Variants in ERICH1 observed in about 807,000 individuals in gnomAD.
ERICH1 encodes the protein glutamate rich 1, also known as glutamate-rich protein 1.
ERICH1 carries 56 observed loss-of-function variants against 39.6 expected under a neutral mutation model. The ratio of observed to expected loss-of-function variants is 1.41; its 90% CI spans 1.14 to 1.77. The LOEUF is 1.77. Ranked by LOEUF, ERICH1 falls within the 40% of genes most tolerant of loss-of-function variation. The pLI is 0.00. For missense variants in ERICH1, 826 were observed against 575.4 expected (o/e 1.44, Z -4.45); for synonymous variants, 313 against 223.6 (o/e 1.40, Z -3.57).
intron 3 of ERICH1, among the ~76,000 whole-genome samples, chr8:687,832 G>T (rs1442230463): frequency 6.6e-6 from 1 of 152,158 alleles, no homozygotes; most frequent in African/African-American, 2.4e-5. Context: ...GGCGCGGAGA[G>T]GCCCCGGATG....
At chr8:727,691 CCTCTGGGACAGGG>C (rs1819098486) in intron 1 of ERICH1, among the ~76,000 whole-genome samples, 1 of 152,216 alleles carries the variant, frequency 6.6e-6, no homozygotes, top group Non-Finnish European at 1.5e-5. Flanking sequence ...CAGGAGGAGG[CCTCTGGGACAGGG>C]CTCTGTGGCC....
intron 2 of ERICH1, among the ~76,000 whole-genome samples, chr8:708,987 C>T (rs1703943): frequency 0.016 from 2,421 of 152,000 alleles, 68 homozygotes; most frequent in African/African-American, 0.056. Flanking sequence ...AGCCACTTTG[C>T]CCGGCCAAGT....
At chr8:674,654 A>G (rs1008864184) in intron 3 of ERICH1, among the ~76,000 whole-genome samples, 6 of 152,058 alleles carry the variant, frequency 3.9e-5, no homozygotes, top group African/African-American at 1.4e-4. Context: ...CTTTCCCTCT[A>G]TGGGGGGGAA....
chr8:707,225 T>C (rs1266148639), intron 2 of ERICH1, among the ~76,000 whole-genome samples: 1 of 140,396 alleles, frequency 7.1e-6, no homozygotes, highest in African/African-American at 2.5e-5. Flanking sequence ...TTTTTTTTTT[T>C]TAGACAGAGT....
At position 695,191 on chromosome 8, in the gene ERICH1, G is replaced by A. The variant is rs1809871261; in HGVS notation, c.170-2579C>T. Among the ~76,000 whole-genome samples the A allele has an allele frequency of 5.9e-5, 9 of 152,010 alleles. 1 individual carries two copies. Among genetic ancestry groups the A allele is most frequent in the Admixed American group, 5.9e-4 (9 of 15,274 alleles). On this transcript the variant is annotated intron_variant, in intron 2 of 5. Coordinates refer to ENST00000262109, the MANE Select transcript of ERICH1 (RefSeq NM_207332.3). The stretch of plus-strand genomic sequence containing the variant: ...GCCGACAGCTATGGAGGGGCTCACA[G>A]CCAGCCCCTGGCCCACTTCAGGTGA...
At chr8:668,971 T>C (rs996754712) in intron 4 of ERICH1, 179 bp from the exon 5 acceptor site, 6 of 615,666 alleles carry the variant, frequency 9.7e-6, no homozygotes, top group East Asian at 2.9e-5. Context: ...AAAATACCAC[T>C]GCATGAACGA....
At chr8:618,713 G>C (rs1305064501) in intron 3 of ERICH1, among the ~76,000 whole-genome samples, 2 of 152,178 alleles carry the variant, frequency 1.3e-5, no homozygotes, top group Non-Finnish European at 2.9e-5. Flanking sequence ...GCACGCAATG[G>C]ATACTAACTA....
At chr8:727,664 C>T (rs1424443787) in intron 1 of ERICH1, among the ~76,000 whole-genome samples, 1 of 152,218 alleles carries the variant, frequency 6.6e-6, no homozygotes, top group African/African-American at 2.4e-5. Flanking sequence ...CAGGCTGACA[C>T]CAGGCTGGGT....
In ERICH1 at chr8:692,594, G is replaced by A. The variant is rs1456074750; in HGVS notation, c.188C>T (p.Pro63Leu). 4.4e-6 allele frequency: 7 copies of A among 1,603,494 alleles called. No individual in the cohort carries two copies. Among genetic ancestry groups the A allele is most frequent in the Admixed American group, 1.7e-5 (1 of 58,458 alleles). ...EPLTDTGSET[P>L]TARRLYTASG... ...GGCAGTGTAGAGCCGTCGGGCAGTC[G>A]GGGTCTCAGAGCCAGTGTCTGCAAC... Residue 63 changes from proline (P) to leucine (L), a missense_variant, in exon 3 of 6, where the codon CCG becomes CTG. Physicochemically the swap from Pro to Leu is moderately conservative, Grantham distance 98 (BLOSUM62 -3). Transcript: ENST00000262109.
intron 3 of ERICH1, among the ~76,000 whole-genome samples, chr8:655,004 T>C (rs1800444046): frequency 6.6e-6 from 1 of 152,154 alleles, no homozygotes; most frequent in African/African-American, 2.4e-5. Context: ...CTTGGGCACT[T>C]TAATTATCTT....
chr8:700,547 CA>C (rs1811861143), intron 2 of ERICH1, among the ~76,000 whole-genome samples: 1 of 120,078 alleles, frequency 8.3e-6, no homozygotes, highest in Non-Finnish European at 2.0e-5. Context: ...CACAGGCCCG[CA>C]CACGCGCACA....
chr8:685,274 A>G (rs11137025), intron 3 of ERICH1, among the ~76,000 whole-genome samples: 54,807 of 151,994 alleles, frequency 0.36, 10,149 homozygotes, highest in Middle Eastern at 0.49. Flanking sequence ...TAAGAGAAAT[A>G]CGGCTGTGTC....
At chr8:659,991 AG>A (rs1396300040), downstream of ERICH1, among the ~76,000 whole-genome samples, 1 of 152,212 alleles carries the variant, frequency 6.6e-6, no homozygotes, top group African/African-American at 2.4e-5. Flanking sequence ...CCTGGCCTCA[AG>A]CCCCCCAAGG....
intron 3 of ERICH1, among the ~76,000 whole-genome samples, chr8:637,779 G>A (rs546898340): frequency 6.6e-6 from 1 of 152,214 alleles, no homozygotes; most frequent in Non-Finnish European, 1.5e-5. Flanking sequence ...CAGTTGGGGA[G>A]TGGAGCAGCC....
chr8:699,823 G>A (rs1385842728), intron 2 of ERICH1, among the ~76,000 whole-genome samples: 1 of 85,634 alleles, frequency 1.2e-5, no homozygotes, highest in African/African-American at 3.7e-5. Flanking sequence ...CCGCACAAGC[G>A]CACAGACCCG....
At chr8:639,263 G>C (rs1436358446) in intron 3 of ERICH1, among the ~76,000 whole-genome samples, 2 of 152,138 alleles carry the variant, frequency 1.3e-5, no homozygotes, top group African/African-American at 4.8e-5. Flanking sequence ...TGTGACCCCA[G>C]GGTCAGCTGT....
At chr8:704,206 T>C (rs1812765438) in intron 2 of ERICH1, among the ~76,000 whole-genome samples, 2 of 152,188 alleles carry the variant, frequency 1.3e-5, no homozygotes. Flanking sequence ...AAACCATTTT[T>C]CAGGAAGTTA....
chr8:632,390 T>G (rs1460685640), intron 3 of ERICH1, among the ~76,000 whole-genome samples: 3 of 152,202 alleles, frequency 2.0e-5, no homozygotes. Flanking sequence ...TTTTCTTATT[T>G]CAGATGAAAA....
intron 3 of ERICH1, among the ~76,000 whole-genome samples, chr8:623,021 C>G (rs1188669065): frequency 6.6e-6 from 1 of 151,418 alleles, no homozygotes. Context: ...ACTGTCAATA[C>G]CAATCCTACC....
Sources: gnomAD v4.1 joint callset for allele counts (sites outside exome capture counted in the v4.1 genomes callset) on GRCh38, gnomAD v4.1.1 for gene constraint, MANE v1.5 for transcripts, NCBI Gene and HGNC (gene_info 2026-07-23, HGNC 2026-07-21) for gene names.